ATP2B2: variants seen among roughly 807,000 people sequenced by gnomAD.
ATP2B2 encodes ATPase plasma membrane Ca2+ transporting 2, also known as plasma membrane calcium-transporting ATPase 2.
ATP2B2 carries 15 observed loss-of-function variants against 120.0 expected under a neutral mutation model. That is an observed-to-expected ratio of 0.12 (90% confidence interval 0.08 to 0.19). The LOEUF is 0.19. Ranked by LOEUF, ATP2B2 falls within the 10% of genes least tolerant of loss-of-function variation. The pLI is 1.00. For missense variants in ATP2B2, 1,045 were observed against 1,719.8 expected (o/e 0.61, Z 6.94); for synonymous variants, 694 against 700.3 (o/e 0.99, Z 0.14).
intron 2 of ATP2B2, among the ~76,000 whole-genome samples, chr3:10,439,400 G>A (rs1052870032): frequency 1.3e-5 from 2 of 152,174 alleles, no homozygotes; most frequent in African/African-American, 4.8e-5. Flanking sequence ...CAGCATGGGT[G>A]GACTGAGCAC....
At chr3:10,701,820 C>T (rs1418869436) in intron 1 of ATP2B2, among the ~76,000 whole-genome samples, 1 of 152,118 alleles carries the variant, frequency 6.6e-6, no homozygotes, top group Non-Finnish European at 1.5e-5. Flanking sequence ...CAAACATCTC[C>T]AGTCCTCTAT....
chr3:10,613,998 G>A (rs1243999403), intron 2 of ATP2B2, among the ~76,000 whole-genome samples: 2 of 151,764 alleles, frequency 1.3e-5, no homozygotes, highest in African/African-American at 4.8e-5. Flanking sequence ...GTTGTTCTTG[G>A]TTTTCATTCC....
chr3:10,374,462 C>T (rs1390995638), intron 11 of ATP2B2, among the ~76,000 whole-genome samples: 1 of 152,246 alleles, frequency 6.6e-6, no homozygotes, highest in African/African-American at 2.4e-5. Context: ...AGCTTGGAAA[C>T]TGATGCTCAC....
At chr3:10,481,607 G>A (rs957715553) in intron 1 of ATP2B2, among the ~76,000 whole-genome samples, 4 of 152,202 alleles carry the variant, frequency 2.6e-5, no homozygotes, top group African/African-American at 9.7e-5. Context: ...AGGCTAGAGT[G>A]CAATGGCACA....
chr3:10,645,012 T>G (rs2070285625), intron 1 of ATP2B2, among the ~76,000 whole-genome samples: 1 of 152,200 alleles, frequency 6.6e-6, no homozygotes, highest in Admixed American at 6.5e-5. Context: ...TAATATACCA[T>G]GAAGGATTTA....
At chr3:10,372,349 GA>G (rs1422829300) in intron 11 of ATP2B2, among the ~76,000 whole-genome samples, 1 of 152,162 alleles carries the variant, frequency 6.6e-6, no homozygotes, top group East Asian at 1.9e-4. Context: ...GAAGAAGGGG[GA>G]AAGATAAATA....
At position 10,340,425 on chromosome 3, in the gene ATP2B2, G is replaced by T; in HGVS notation, c.3129+68C>A. The T allele has an allele frequency of 6.2e-7, 1 of 1,612,036 alleles. No homozygotes were observed. Among genetic ancestry groups the T allele is most frequent in the Non-Finnish European group, 8.5e-7 (1 of 1,178,234 alleles). On this transcript the variant is annotated intron_variant, in intron 20 of 22. Coordinates refer to ENST00000360273, the MANE Select transcript of ATP2B2 (RefSeq NM_001001331.4). This position sits in a 1 kb window ranked among gnomAD's most constrained non-coding sequence, Gnocchi z 5.0. Reference sequence around the variant, plus strand: ...CCAGCACAGAGGGCTGGGCTCTCAGGGTCCTGCCCAGGGGCTCCAGCCGCT... The same window carrying T: ...CCAGCACAGAGGGCTGGGCTCTCAGTGTCCTGCCCAGGGGCTCCAGCCGCT...
chr3:10,676,471 A>G (rs2071246420), intron 1 of ATP2B2, among the ~76,000 whole-genome samples: 1 of 152,062 alleles, frequency 6.6e-6, no homozygotes, highest in African/African-American at 2.4e-5. Flanking sequence ...TGGGCAGGTA[A>G]GTTTAAACAC....
At chr3:10,546,266 A>G (rs1202179903) in intron 2 of ATP2B2, among the ~76,000 whole-genome samples, 1 of 151,760 alleles carries the variant, frequency 6.6e-6, no homozygotes, top group East Asian at 1.9e-4. Context: ...CATCTGCCTG[A>G]CTCCAGCAGG....
At chr3:10,468,879 G>A (rs1269328944) in intron 1 of ATP2B2, among the ~76,000 whole-genome samples, 1 of 152,246 alleles carries the variant, frequency 6.6e-6, no homozygotes, top group Non-Finnish European at 1.5e-5. Flanking sequence ...AAAGGGCAGA[G>A]ACTGAAAACT....
intron 2 of ATP2B2, among the ~76,000 whole-genome samples, chr3:10,438,982 G>A (rs753546216): frequency 2.0e-5 from 3 of 152,226 alleles, no homozygotes; most frequent in African/African-American, 7.2e-5. Context: ...CTGGTCCCCC[G>A]CTAAACCCGA....
At chr3:10,674,735 G>A (rs1019925535) in intron 1 of ATP2B2, among the ~76,000 whole-genome samples, 2 of 152,160 alleles carry the variant, frequency 1.3e-5, no homozygotes. Context: ...TTGTTCTTGA[G>A]CCATTTGAAA....
At chr3:10,512,465 CACACA>C (rs2066785180) in intron 3 of ATP2B2, among the ~76,000 whole-genome samples, 8 of 11,096 alleles carry the variant, frequency 7.2e-4, no homozygotes, top group African/African-American at 1.4e-3. Context: ...AGTGTGTGCG[CACACA>C]CACACACACA....
intron 12 of ATP2B2, among the ~76,000 whole-genome samples, chr3:10,369,714 C>A (rs1272570742): frequency 6.6e-6 from 1 of 152,132 alleles, no homozygotes; most frequent in Non-Finnish European, 1.5e-5. Flanking sequence ...CAAGATTCTC[C>A]CCCTCCCCTA....
At chr3:10,372,923 C>T (rs1313411075) in intron 11 of ATP2B2, among the ~76,000 whole-genome samples, 1 of 152,210 alleles carries the variant, frequency 6.6e-6, no homozygotes, top group East Asian at 1.9e-4. Flanking sequence ...GTAGCTGAAT[C>T]AGATGGAGTT....
chr3:10,513,883 T>G (rs1435677101), intron 3 of ATP2B2, among the ~76,000 whole-genome samples: 5 of 151,976 alleles, frequency 3.3e-5, no homozygotes, highest in Non-Finnish European at 7.4e-5. Context: ...CCCTGCTTGA[T>G]AGAACCTGGT....
chr3:10,550,816 A>G (rs1184442836), intron 2 of ATP2B2, among the ~76,000 whole-genome samples: 1 of 152,210 alleles, frequency 6.6e-6, no homozygotes, highest in African/African-American at 2.4e-5. Context: ...GGTCATGGTG[A>G]AGGCGAAGGG....
intron 1 of ATP2B2, among the ~76,000 whole-genome samples, chr3:10,622,029 G>C (rs1328525977): frequency 1.3e-5 from 2 of 152,170 alleles, no homozygotes; most frequent in Non-Finnish European, 2.9e-5. Context: ...CCCTCTGTGG[G>C]CCTCTTCCTG....
chr3:10,340,435 A>T lies in ATP2B2; in HGVS notation c.3129+58T>A. On this transcript the variant is annotated intron_variant, in intron 20 of 22. Transcript: ENST00000360273. The surrounding 1 kb of genome is among the most constrained non-coding windows in gnomAD (Gnocchi z 5.0). The stretch of plus-strand genomic sequence containing the variant: ...GGGCTGGGCTCTCAGGGTCCTGCCC[A>T]GGGGCTCCAGCCGCTTGCTGCCCAC... 2 of 1,613,622 alleles carry T rather than the reference A, an allele frequency of 1.2e-6. No individual in the cohort carries two copies. The highest frequency in any genetic ancestry group is 2.2e-5 in the South Asian group (2 of 91,070).
Sources: gnomAD v4.1 joint callset for allele counts (sites outside exome capture counted in the v4.1 genomes callset) on GRCh38, gnomAD v4.1.1 for gene constraint, Gnocchi (gnomAD v3.1) non-coding constraint, MANE v1.5 for transcripts, NCBI Gene and HGNC (gene_info 2026-07-23, HGNC 2026-07-21) for gene names.